The following LPP variants were observed in gnomAD, a reference collection of about 807,000 sequenced individuals.
LPP encodes LIM domain containing preferred translocation partner in lipoma, also known as lipoma-preferred partner.
In LPP, 38 loss-of-function variants were observed where a neutral mutation model predicts 60.4. The observed-to-expected ratio is 0.63, with a 90% CI of 0.49 to 0.83. The LOEUF is 0.83. Ranked by LOEUF, LPP falls within the 40% of genes least tolerant of loss-of-function variation. LPP has a pLI of 0.00. For synonymous variants in LPP, 328 were observed against 290.8 expected (o/e 1.13, Z -1.30); for missense variants, 902 against 783.6 (o/e 1.15, Z -1.80).
rs182525672 is a variant in LPP, at chr3:188,274,109, A to T, written c.-67+48582A>T. On this transcript the variant is annotated intron_variant, in intron 2 of 11. Coordinates refer to ENST00000617246, the MANE Select transcript of LPP (RefSeq NM_001375462.1). ...TGGCTTTCTTTTCTCTCTTCTCTTT[A>T]TCAGTGAATTCATTTATTCTAAATT... 1.1e-3 allele frequency among the ~76,000 whole-genome samples: 165 copies of T among 152,144 alleles called. 3 individuals are homozygous for T. Among genetic ancestry groups the T allele is most frequent in the Admixed American group, 7.3e-3 (111 of 15,288 alleles).
intron 7 of LPP, among the ~76,000 whole-genome samples, chr3:188,633,484 A>C (rs1848194705): frequency 6.6e-6 from 1 of 152,344 alleles, no homozygotes; most frequent in South Asian, 2.1e-4. Flanking sequence ...ATGGCTGTGA[A>C]CTACATTCTT....
chr3:188,488,589 G>A (rs1215394688), intron 5 of LPP, among the ~76,000 whole-genome samples: 1 of 151,952 alleles, frequency 6.6e-6, no homozygotes, highest in Non-Finnish European at 1.5e-5. Flanking sequence ...TAGGTTTAAT[G>A]CTCTGAGTCT....
intron 3 of LPP, among the ~76,000 whole-genome samples, chr3:188,389,176 T>G (rs77100157): frequency 0.01 from 1,538 of 152,192 alleles, 30 homozygotes; most frequent in African/African-American, 0.035. Context: ...GTGCCACTGA[T>G]GTCTCTTTTT....
chr3:188,426,896 G>A (rs540630285), intron 4 of LPP, among the ~76,000 whole-genome samples: 59 of 152,156 alleles, frequency 3.9e-4, no homozygotes, highest in African/African-American at 1.4e-3. Flanking sequence ...GGGTCTTGAC[G>A]CTTTATCCAG....
intron 6 of LPP, 106 bp downstream of exon 6, chr3:188,524,893 GTCCGTCCTT>G (rs1820063595): frequency 1.8e-5 from 4 of 226,722 alleles, no homozygotes; most frequent in African/African-American, 9.8e-5. Context: ...CCTTCCTTCC[GTCCGTCCTT>G]CCTTCCTTCC....
At chr3:188,823,808 C>T (rs535075462) in intron 9 of LPP, among the ~76,000 whole-genome samples, 2 of 151,998 alleles carry the variant, frequency 1.3e-5, no homozygotes, top group East Asian at 1.9e-4. Context: ...AAAGTGTATA[C>T]GTTTCTTAAT....
At chr3:188,644,999 T>C (rs1580659092) in intron 7 of LPP, among the ~76,000 whole-genome samples, 1 of 152,214 alleles carries the variant, frequency 6.6e-6, no homozygotes, top group African/African-American at 2.4e-5. Context: ...ACTTTCTTGT[T>C]TGCAAAATGG....
intron 6 of LPP, among the ~76,000 whole-genome samples, chr3:188,525,190 C>A (rs1431992574): frequency 6.6e-6 from 1 of 152,150 alleles, no homozygotes; most frequent in Non-Finnish European, 1.5e-5. Flanking sequence ...TGGTCTCGAA[C>A]TCCTGACCTC....
chr3:188,541,182 T>C (rs1041935316), intron 6 of LPP, among the ~76,000 whole-genome samples: 1 of 152,198 alleles, frequency 6.6e-6, no homozygotes, highest in East Asian at 1.9e-4. Flanking sequence ...CGCTAAAGCA[T>C]GTAAAGCAAT....
At chr3:188,636,073 C>A (rs1848671770) in intron 7 of LPP, among the ~76,000 whole-genome samples, 1 of 152,242 alleles carries the variant, frequency 6.6e-6, no homozygotes. Flanking sequence ...CGAATAGGAA[C>A]AGCTCCGGTC....
chr3:188,191,157 G>C (rs1267527502), intron 1 of LPP, among the ~76,000 whole-genome samples: 1 of 152,218 alleles, frequency 6.6e-6, no homozygotes, highest in African/African-American at 2.4e-5. Context: ...TTGAACCCAG[G>C]AGGCCAAGGT....
chr3:188,542,773 C>T (rs6800220), intron 6 of LPP, among the ~76,000 whole-genome samples: 39,678 of 152,026 alleles, frequency 0.26, 5,945 homozygotes, highest in Middle Eastern at 0.35. Context: ...GAGCCAAGAG[C>T]AATGGGTCCT....
chr3:188,725,373 C>T (rs1261246062), intron 8 of LPP: 1 of 152,216 alleles, frequency 6.6e-6, no homozygotes, highest in Non-Finnish European at 1.5e-5. Flanking sequence ...AGCATTCTCG[C>T]TGACGCATTA....
At chr3:188,564,465 A>G (rs1324685774) in intron 6 of LPP, among the ~76,000 whole-genome samples, 1 of 151,942 alleles carries the variant, frequency 6.6e-6, no homozygotes, top group African/African-American at 2.4e-5. Context: ...TTATTTATTT[A>G]TTTTCCTTCT....
At chr3:188,481,950 T>A (rs1339523547) in intron 4 of LPP, among the ~76,000 whole-genome samples, 3 of 152,178 alleles carry the variant, frequency 2.0e-5, no homozygotes, top group Non-Finnish European at 1.5e-5. Context: ...CCCACCCAAA[T>A]TTCGTCTTGA....
intron 3 of LPP, among the ~76,000 whole-genome samples, chr3:188,356,604 T>C (rs1767686215): frequency 6.6e-6 from 1 of 152,212 alleles, no homozygotes; most frequent in Admixed American, 6.5e-5. Flanking sequence ...TCTTAAGTGA[T>C]CTAGAGTCAG....
At chr3:188,603,478 C>A (rs1004871540) in intron 6 of LPP, among the ~76,000 whole-genome samples, 1 of 151,988 alleles carries the variant, frequency 6.6e-6, no homozygotes, top group Non-Finnish European at 1.5e-5. Context: ...CTGCCACCTA[C>A]TAGTGATGTG....
rs75280063 is a variant in LPP at position 188,609,600 on chromosome 3, C to T, written c.869C>T (p.Ala290Val). ...CAGCCGGAGCCTGGGTATGGGTATGCCCCCAACCAGGGACGCTATTATGAA... is the reference window on the plus strand; with the variant it reads ...CAGCCGGAGCCTGGGTATGGGTATGTCCCCAACCAGGGACGCTATTATGAA... ...GLQPEPGYGY[A>V]PNQGRYYEGY... Residue 290 changes from alanine (A) to valine (V), a missense_variant, in exon 7 of 12, where the codon GCC (alanine) becomes GTC (valine). Physicochemically the swap from Ala to Val is moderately conservative, Grantham distance 64. Coordinates refer to ENST00000617246, the MANE Select transcript of LPP (RefSeq NM_001375462.1). The surrounding 1 kb of genome is among the most constrained non-coding windows in gnomAD (Gnocchi z 6.9). The T allele has an allele frequency of 2.7e-5, 44 of 1,614,148 alleles. No individual in the cohort carries two copies. In the South Asian group the frequency reaches 3.0e-4, roughly 11 times the overall value.
chr3:188,328,573 C>T (rs114327381), intron 2 of LPP, among the ~76,000 whole-genome samples: 64 of 152,170 alleles, frequency 4.2e-4, no homozygotes, highest in African/African-American at 1.4e-3. Flanking sequence ...AGAAAATCTC[C>T]GGCAAAACCC....
Sources: allele counts gnomAD v4.1 joint callset (sites outside exome capture counted in the v4.1 genomes callset), GRCh38; gene constraint gnomAD v4.1.1; non-coding constraint Gnocchi (gnomAD v3.1); transcripts MANE v1.5; gene names NCBI Gene and HGNC (gene_info 2026-07-23, HGNC 2026-07-21).